Variants in USP36 observed in about 807,000 individuals in gnomAD.
The protein encoded by USP36 is ubiquitin carboxyl-terminal hydrolase 36.
Under a neutral mutation model 111.5 loss-of-function variants are expected in USP36, and 59 were observed. The observed-to-expected ratio is 0.53, with a 90% confidence interval of 0.43 to 0.66. The LOEUF (loss-of-function observed/expected upper bound fraction) is 0.66, where lower values mean the gene tolerates loss of function less well. Among genes scored for constraint, USP36 ranks in the 30% least tolerant of loss-of-function variants. USP36 has a pLI of 0.00. For synonymous variants in USP36, 628 were observed against 581.0 expected (o/e 1.08, Z -1.16); for missense variants, 1,488 against 1,468.0 (o/e 1.01, Z -0.22).
intron 2 of USP36, among the ~76,000 whole-genome samples, chr17:78,836,656 A>C (rs1185949972): frequency 6.6e-6 from 1 of 152,178 alleles, no homozygotes; most frequent in Non-Finnish European, 1.5e-5. Flanking sequence ...TGCCATGTGC[A>C]TCTCTTCATC....
intron 10 of USP36, among the ~76,000 whole-genome samples, chr17:78,818,034 C>G (rs12103727): frequency 0.13 from 19,193 of 152,078 alleles, 2,887 homozygotes; most frequent in African/African-American, 0.37. Flanking sequence ...GTAGTGAGCG[C>G]TGATTATGCC....
chr17:78,804,614 T>G (rs1165200414), intron 15 of USP36, among the ~76,000 whole-genome samples: 1 of 63,308 alleles, frequency 1.6e-5, no homozygotes, highest in Non-Finnish European at 2.8e-5. Flanking sequence ...AAATAACTGA[T>G]CCCTGAGATT....
intron 15 of USP36, among the ~76,000 whole-genome samples, chr17:78,805,872 C>T (rs1483521593): frequency 6.6e-6 from 1 of 152,232 alleles, no homozygotes; most frequent in African/African-American, 2.4e-5. Flanking sequence ...GTCCCCAGCA[C>T]ACCACATCAC....
chr17:78,814,988 C>T (rs998975267), intron 10 of USP36, among the ~76,000 whole-genome samples: 1 of 151,552 alleles, frequency 6.6e-6, no homozygotes, highest in East Asian at 2.0e-4. Context: ...CAATTTGGGG[C>T]GAATGGGTGT....
chr17:78,806,228 G>A lies in USP36; in HGVS notation c.2144C>T (p.Ser715Phe), dbSNP rs779592769. 4 of 1,613,782 alleles carry A rather than the reference G, an allele frequency of 2.5e-6. No individual in the cohort carries two copies. In the African/African-American group the frequency reaches 4.0e-5, roughly 16 times the overall value. Residue 715 changes from serine (S) to phenylalanine (F), a missense_variant, in exon 15 of 21, where the codon TCC (serine) becomes TTC (phenylalanine). Ser to Phe is a radical substitution (Grantham distance 155). Transcript: ENST00000449938. ...NDLRPPPPSP[S>F]SDLTHPMKTS... ...TTTCATGGGGTGGGTGAGGTCGGAG[G>A]ATGGTGAGGGGGGAGGTGGACGGAG... is the stretch of plus-strand genomic sequence containing the variant.
chr17:78,804,509 CAA>C (rs2093842242), intron 15 of USP36, among the ~76,000 whole-genome samples: 1 of 68,602 alleles, frequency 1.5e-5, no homozygotes, highest in African/African-American at 5.3e-5. Flanking sequence ...AAAAAAAAAA[CAA>C]AGTTACCTAG....
chr17:78,839,018 G>T (rs2068987672), intron 1 of USP36, among the ~76,000 whole-genome samples: 1 of 152,156 alleles, frequency 6.6e-6, no homozygotes, highest in South Asian at 2.1e-4. Flanking sequence ...GTCAGCTCCA[G>T]TCTAATCTTA....
downstream of USP36, among the ~76,000 whole-genome samples, chr17:78,792,419 T>C (rs190306411): frequency 2.6e-3 from 391 of 152,132 alleles, no homozygotes; most frequent in Middle Eastern, 0.017. Flanking sequence ...CCACAGAGGA[T>C]GGGGAACAGC....
downstream of USP36, among the ~76,000 whole-genome samples, chr17:78,793,325 T>C (rs2093598624): frequency 1.3e-5 from 2 of 151,874 alleles, no homozygotes; most frequent in Admixed American, 1.3e-4. Context: ...CTGAAAAGAA[T>C]GGGAGAGAGA....
At chr17:78,792,013 G>T, downstream of USP36, 1 of 152,394 alleles carries the variant, frequency 6.6e-6, no homozygotes. Context: ...TCTAGAGTAT[G>T]CAGCAAATGC....
At chr17:78,814,386 C>G in intron 11 of USP36, 26 bp downstream of exon 11, 1 of 1,612,716 alleles carries the variant, frequency 6.2e-7, no homozygotes, top group Non-Finnish European at 8.5e-7. Context: ...TCCCAGGAGG[C>G]AGCTGCACTG....
At position 78,806,226 on chromosome 17, in the gene USP36, A is replaced by C; in HGVS notation, c.2146T>G (p.Ser716Ala). 1 of 1,613,704 alleles carries C rather than the reference A, an allele frequency of 6.2e-7. No individual in the cohort carries two copies. The highest frequency in any genetic ancestry group is 8.5e-7 in the Non-Finnish European group (1 of 1,179,958). Reference protein sequence around the residue: ...DLRPPPPSPSSDLTHPMKTSH... With the variant: ...DLRPPPPSPSADLTHPMKTSH... ...GTTTTCATGGGGTGGGTGAGGTCGG[A>C]GGATGGTGAGGGGGGAGGTGGACGG... Residue 716 changes from serine (S) to alanine (A), a missense_variant, in exon 15 of 21, where the codon TCC (serine) becomes GCC (alanine). By Grantham distance (99) the Ser-to-Ala change is moderately conservative. Transcript: ENST00000449938.
chr17:78,795,311 T>G (rs2093613742), downstream of USP36, among the ~76,000 whole-genome samples: 1 of 152,222 alleles, frequency 6.6e-6, no homozygotes, highest in Non-Finnish European at 1.5e-5. This position sits in a 1 kb window ranked among gnomAD's most constrained non-coding sequence, Gnocchi z 4.5. Context: ...GAAGACATGA[T>G]GCCCTGTGTT....
Position 78,798,610 on chromosome 17 carries a change from G to A in USP36, c.3241-59C>T, listed in dbSNP as rs2093669720. 1 of 1,601,734 alleles carries A rather than the reference G, an allele frequency of 6.2e-7. No individual in the cohort carries two copies. The highest frequency in any genetic ancestry group is 1.7e-5 in the Admixed American group (1 of 59,558). On this transcript the variant is annotated intron_variant, in intron 19 of 20. Coordinates refer to ENST00000449938, the MANE Select transcript of USP36 (RefSeq NM_001385174.1). The surrounding 1 kb of genome is among the most constrained non-coding windows in gnomAD (Gnocchi z 5.1). ...AAAACGGCTCTTTCCTGGCCCACGG[G>A]GCTCCATGCTGCATGCAGGTCCTGC...
intron 18 of USP36, among the ~76,000 whole-genome samples, chr17:78,799,244 C>T (rs1483670781): frequency 1.3e-5 from 2 of 152,230 alleles, no homozygotes; most frequent in Non-Finnish European, 2.9e-5. Context: ...AACCCTAAAC[C>T]ACAGCCAAAG....
At chr17:78,826,090 G>C (rs982812375) in intron 6 of USP36, among the ~76,000 whole-genome samples, 1 of 152,158 alleles carries the variant, frequency 6.6e-6, no homozygotes, top group Non-Finnish European at 1.5e-5. Context: ...GTTCACTGAA[G>C]GGCAGACCTG....
chr17:78,796,400 C>G lies in USP36; in HGVS notation c.*1500G>C, dbSNP rs2093629191. 1 of 152,110 alleles carries G rather than the reference C, an allele frequency of 6.6e-6. No individual in the cohort carries two copies. The highest frequency in any genetic ancestry group is 6.6e-5 in the Admixed American group (1 of 15,256). 9.4% of individuals were successfully genotyped at this position (152,110 alleles called of 1,614,324 possible). ...AGCCAGGCCCTCATCTTTGAACATT[C>G]AGAGACTGGTCCGCAGGAGAGGGCA... On this transcript the variant is annotated 3_prime_UTR_variant, in exon 21 of 21. Coordinates refer to ENST00000449938, the MANE Select transcript of USP36 (RefSeq NM_001385174.1).
At chr17:78,828,833 C>G (rs746488253) in intron 5 of USP36, 64 bp downstream of exon 5, 8 of 1,496,458 alleles carry the variant, frequency 5.3e-6, no homozygotes, top group Non-Finnish European at 7.3e-6. Context: ...AGCGAGAACC[C>G]CATCTCTACA....
At chr17:78,827,220 G>GT in intron 6 of USP36, 25 bp downstream of exon 6, 1 of 1,593,982 alleles carries the variant, frequency 6.3e-7, no homozygotes, top group Non-Finnish European at 8.5e-7. Context: ...CAAAGCCCTG[G>GT]GAGGGTGGGT....
Sources: allele counts gnomAD v4.1 joint callset (sites outside exome capture counted in the v4.1 genomes callset), GRCh38; gene constraint gnomAD v4.1.1; non-coding constraint Gnocchi (gnomAD v3.1); transcripts MANE v1.5; gene names NCBI Gene and HGNC (gene_info 2026-07-23, HGNC 2026-07-21).